Variants in RTL1 observed in about 807,000 individuals in gnomAD.
RTL1 encodes the protein retrotransposon-like protein 1.
For synonymous variants in RTL1, 727 were observed against 748.4 expected, an observed-to-expected ratio of 0.97 and a Z score of 0.47; for missense variants, 1,681 against 1,767.5, an observed-to-expected ratio of 0.95 and a Z score of 0.88.
chr14:100,902,951 C>T (rs1037422035), intron 2 of RTL1, among the ~76,000 whole-genome samples: 2 of 152,154 alleles, frequency 1.3e-5, no homozygotes, highest in Admixed American at 1.3e-4. Flanking sequence ...AAACGGGAAC[C>T]TCTCCTGGCA....
rs1211638354 is a variant in RTL1, at chr14:100,881,083, G to A, written c.3706C>T (p.Leu1236=). The A allele has an allele frequency of 2.5e-6, 4 of 1,599,164 alleles. No individual in the cohort carries two copies. The highest frequency in any genetic ancestry group is 3.4e-6 in the Non-Finnish European group (4 of 1,173,126). The change falls in exon 4 of 4, where the codon CTG becomes TTG. Residue 1236 remains leucine (L), a synonymous_variant. Coordinates refer to ENST00000649591, the MANE Select transcript of RTL1 (RefSeq NM_001134888.3). This position sits in a 1 kb window ranked among gnomAD's most constrained non-coding sequence, Gnocchi z 6.6. ...GDEDVVLREA[L]QDDLQRYRQC... is the part of the protein sequence containing the mutation. ...CGGTAACGTTGCAGGTCGTCTTGCAGGGCTTCTCGCAAGACGACATCCTCA... is the reference window on the plus strand; with the variant it reads ...CGGTAACGTTGCAGGTCGTCTTGCAAGGCTTCTCGCAAGACGACATCCTCA...
intron 3 of RTL1, 40 bp from the exon 4 acceptor site, chr14:100,884,914 T>A (rs2038677003): frequency 8.3e-6 from 7 of 848,264 alleles, no homozygotes; most frequent in Non-Finnish European, 1.1e-5. Flanking sequence ...AAGGCAGTAG[T>A]TTAGGATCTT....
chr14:100,890,745 T>C (rs191016196), intron 3 of RTL1, among the ~76,000 whole-genome samples: 1,999 of 152,092 alleles, frequency 0.013, 22 homozygotes, highest in Non-Finnish European at 0.02. Flanking sequence ...CTCCTTGGGT[T>C]TGAGGGACAT....
chr14:100,891,135 C>G (rs1264324213), intron 3 of RTL1, among the ~76,000 whole-genome samples: 2 of 152,162 alleles, frequency 1.3e-5, no homozygotes, highest in East Asian at 3.9e-4. Context: ...ACTGTGGAGT[C>G]TGCAGGGGCT....
At chr14:100,896,841 C>T (rs1050320493) in intron 2 of RTL1, among the ~76,000 whole-genome samples, 8 of 152,198 alleles carry the variant, frequency 5.3e-5, no homozygotes, top group East Asian at 1.9e-4. Context: ...GTCTAGGCTG[C>T]GAACGCGAGC....
chr14:100,898,053 G>A (rs987621793), intron 2 of RTL1: 2 of 472,652 alleles, frequency 4.2e-6, no homozygotes, highest in Non-Finnish European at 8.7e-6. Context: ...AATATTCCAC[G>A]GTATGTATGC....
rs1282373912 is a variant in RTL1, at chr14:100,882,104, G to A, written c.2685C>T (p.Asp895=). Residue 895 remains aspartate, a synonymous_variant, in exon 4 of 4, where the codon GAC becomes GAT. Coordinates refer to ENST00000649591, the MANE Select transcript of RTL1 (RefSeq NM_001134888.3). ...CGCAGCAGGCTCTCTTGCCGGTTTG[G>A]TCGTCGATTTGGATCAGGGAGGCGT... ...ALHASLIQID[D]QTGKRACCAF... is the part of the protein sequence containing the mutation. 6.4e-7 allele frequency: 1 copy of A among 1,568,070 alleles called. No homozygotes were observed.
At chr14:100,889,181 A>AG (rs1460934878) in intron 3 of RTL1, among the ~76,000 whole-genome samples, 1 of 152,180 alleles carries the variant, frequency 6.6e-6, no homozygotes, top group African/African-American at 2.4e-5. Flanking sequence ...CTTCCCAGGA[A>AG]ACTCAAATTA....
At position 100,882,106 on chromosome 14, in the gene RTL1, C is replaced by T. The variant is rs561955511; in HGVS notation, c.2683G>A (p.Asp895Asn). ...ALHASLIQIDDQTGKRACCAF... is the reference protein window; with the variant it reads ...ALHASLIQIDNQTGKRACCAF... ...CAGCAGGCTCTCTTGCCGGTTTGGT[C>T]GTCGATTTGGATCAGGGAGGCGTGC... The change falls in exon 4 of 4, where the codon GAC becomes AAC. Residue 895 changes from aspartate to asparagine, a missense_variant. Asp to Asn is a conservative substitution (Grantham distance 23, BLOSUM62 1). Transcript: ENST00000649591. 1.3e-6 allele frequency: 2 copies of T among 1,566,422 alleles called. No individual in the cohort carries two copies. Among genetic ancestry groups the T allele is most frequent in the East Asian group, 2.4e-5 (1 of 41,926 alleles).
intron 3 of RTL1, among the ~76,000 whole-genome samples, chr14:100,886,912 A>G (rs2038704290): frequency 6.6e-6 from 1 of 152,202 alleles, no homozygotes; most frequent in Non-Finnish European, 1.5e-5. Context: ...TAACATATTT[A>G]CAAATTCGAC....
chr14:100,890,177 A>C (rs1595339952), intron 3 of RTL1, among the ~76,000 whole-genome samples: 1 of 150,764 alleles, frequency 6.6e-6, no homozygotes, highest in East Asian at 2.0e-4. Context: ...CCCAACACTC[A>C]AGAGACAGAC....
chr14:100,886,224 A>C (rs1036026519), intron 3 of RTL1, among the ~76,000 whole-genome samples: 18 of 152,066 alleles, frequency 1.2e-4, no homozygotes, highest in Non-Finnish European at 2.6e-4. Flanking sequence ...TAAAAAAAAA[A>C]AAAAAAACTG....
At chr14:100,894,851 C>T (rs1428635237) in intron 2 of RTL1, 1 of 152,264 alleles carries the variant, frequency 6.6e-6, no homozygotes, top group African/African-American at 2.4e-5. Context: ...ATAGAACTAA[C>T]TCAAGCCCTT....
Position 100,883,268 on chromosome 14 carries a change from G to C in RTL1, c.1521C>G (p.Arg507=), listed in dbSNP as rs948978580. 9 of 1,551,130 alleles carry C rather than the reference G, an allele frequency of 5.8e-6. No individual in the cohort carries two copies. In the African/African-American group the frequency reaches 1.1e-4, roughly 19 times the overall value. Residue 507 remains arginine, a synonymous_variant, in exon 4 of 4, where the codon CGC becomes CGG. Coordinates refer to ENST00000649591, the MANE Select transcript of RTL1 (RefSeq NM_001134888.3). This position sits in a 1 kb window ranked among gnomAD's most constrained non-coding sequence, Gnocchi z 5.9. ...SPNFSVVLGI[R]WLRVHAPEVD... is the part of the protein sequence containing the mutation. ...CTTCGGGGGCGTGGACTCGGAGCCA[G>C]CGGATGCCTAGGACCACAGAGAAGT...
chr14:100,893,183 T>A lies in RTL1; in HGVS notation c.-87+261A>T, dbSNP rs1051353547. On this transcript the variant is annotated intron_variant, in intron 3 of 3. Transcript: ENST00000649591. The surrounding 1 kb of genome is among the most constrained non-coding windows in gnomAD (Gnocchi z 4.2). ...CCATCTCCCCCAAAGGTGCTTGCTGTCATTCCCAACTCATTCTAGCTTATT... is the reference window on the plus strand; with the variant it reads ...CCATCTCCCCCAAAGGTGCTTGCTGACATTCCCAACTCATTCTAGCTTATT... Among the ~76,000 whole-genome samples the A allele has an allele frequency of 3.9e-5, 6 of 152,198 alleles. No individual in the cohort carries two copies. The highest frequency in any genetic ancestry group is 8.8e-5 in the Non-Finnish European group (6 of 68,034).
rs2038594254 is a variant in RTL1, at chr14:100,880,699, C to T, written c.*13G>A. 3 of 1,545,252 alleles carry T rather than the reference C, an allele frequency of 1.9e-6. No homozygotes were observed. The highest frequency in any genetic ancestry group is 2.4e-5 in the South Asian group (2 of 83,916). On this transcript the variant is annotated 3_prime_UTR_variant, in exon 4 of 4. Coordinates refer to ENST00000649591, the MANE Select transcript of RTL1 (RefSeq NM_001134888.3). ...AATAGAGGGGACTCTTTGCTGGAGA[C>T]AGGGAGGCGTCTTCAGTCGAGGTTA...
chr14:100,883,321 T>C lies in RTL1; in HGVS notation c.1468A>G (p.Ile490Val), dbSNP rs2038646884. Reference protein sequence around the residue: ...VCIHQNHQESIEFDIVPSPNF... With the variant: ...VCIHQNHQESVEFDIVPSPNF... ...GGTGAAGGTACGATGTCAAATTCGATGGACTCCTGGTGGTTCTGGTGGATA... is the reference window on the plus strand; with the variant it reads ...GGTGAAGGTACGATGTCAAATTCGACGGACTCCTGGTGGTTCTGGTGGATA... The change falls in exon 4 of 4, where the codon ATC becomes GTC. Residue 490 changes from isoleucine to valine, a missense_variant. By Grantham distance (29) the Ile-to-Val change is conservative. Transcript: ENST00000649591. The surrounding 1 kb of genome is among the most constrained non-coding windows in gnomAD (Gnocchi z 5.9). The C allele has an allele frequency of 1.9e-6, 3 of 1,551,314 alleles. No individual in the cohort carries two copies. In the East Asian group the frequency reaches 7.3e-5, roughly 38 times the overall value.
chr14:100,882,131 C>T lies in RTL1; in HGVS notation c.2658G>A (p.Leu886=). The T allele has an allele frequency of 6.4e-7, 1 of 1,554,442 alleles. No homozygotes were observed. The highest frequency in any genetic ancestry group is 8.7e-7 in the Non-Finnish European group (1 of 1,148,798). The change falls in exon 4 of 4, where the codon CTG becomes CTA. Residue 886 remains leucine, a synonymous_variant. Coordinates refer to ENST00000649591, the MANE Select transcript of RTL1 (RefSeq NM_001134888.3). ...YLETGVTGTA[L]HASLIQIDDQ... ...CGTCGATTTGGATCAGGGAGGCGTG[C>T]AGGGCCGTGCCGGTGACGCCGGTTT...
At position 100,880,700 on chromosome 14, in the gene RTL1, A is replaced by G; in HGVS notation, c.*12T>C. ...ATAGAGGGGACTCTTTGCTGGAGAC[A>G]GGGAGGCGTCTTCAGTCGAGGTTAG... On this transcript the variant is annotated 3_prime_UTR_variant, in exon 4 of 4. Coordinates refer to ENST00000649591, the MANE Select transcript of RTL1 (RefSeq NM_001134888.3). 2 of 1,550,646 alleles carry G rather than the reference A, an allele frequency of 1.3e-6. No individual in the cohort carries two copies. Among genetic ancestry groups the G allele is most frequent in the African/African-American group, 1.4e-5 (1 of 73,104 alleles).
Sources: gnomAD v4.1 joint callset for allele counts (sites outside exome capture counted in the v4.1 genomes callset) on GRCh38, gnomAD v4.1.1 for gene constraint, Gnocchi (gnomAD v3.1) non-coding constraint, MANE v1.5 for transcripts, NCBI Gene and HGNC (gene_info 2026-07-23, HGNC 2026-07-21) for gene names.